PGGT1B: variants seen among roughly 807,000 people sequenced by gnomAD.
PGGT1B encodes geranylgeranyl transferase type-1 subunit beta.
In PGGT1B, 30 loss-of-function variants were observed where a neutral mutation model predicts 46.1. The observed-to-expected ratio is 0.65, with a 90% CI of 0.49 to 0.88. The LOEUF (loss-of-function observed/expected upper bound fraction) is 0.88, where lower values mean the gene tolerates loss of function less well. Among genes scored for constraint, PGGT1B ranks in the 40% least tolerant of loss-of-function variants. The probability of loss-of-function intolerance (pLI) is 0.00; values close to 1 mark genes in which losing one functional copy is unlikely to be tolerated. For missense variants in PGGT1B, 376 were observed against 455.9 expected (o/e 0.82, Z 1.60); for synonymous variants, 170 against 160.0 (o/e 1.06, Z -0.47).
chr5:115,239,989 T>TA (rs1757301484), intron 3 of PGGT1B, among the ~76,000 whole-genome samples: 1 of 152,232 alleles, frequency 6.6e-6, no homozygotes, highest in South Asian at 2.1e-4. Flanking sequence ...TTTATTCATA[T>TA]ACTGTACTGG....
chr5:115,234,135 T>C (rs1757092833), intron 5 of PGGT1B, among the ~76,000 whole-genome samples: 1 of 148,614 alleles, frequency 6.7e-6, no homozygotes. Context: ...CTCTCTGAAC[T>C]GATAAGGAGT....
chr5:115,238,143 G>A (rs1358933163), intron 3 of PGGT1B, 134 bp from the exon 4 acceptor site: 2 of 510,998 alleles, frequency 3.9e-6, no homozygotes, highest in Non-Finnish European at 6.7e-6. Context: ...ACATCTTATT[G>A]AGAAAAACAA....
intron 7 of PGGT1B, among the ~76,000 whole-genome samples, chr5:115,217,354 A>G (rs1756453347): frequency 6.6e-6 from 1 of 151,304 alleles, no homozygotes; most frequent in Non-Finnish European, 1.5e-5. Context: ...AACTAGTAGT[A>G]ACTGGAATTA....
Position 115,230,970 on chromosome 5 carries a change from T to A in PGGT1B, c.658+6A>T. 1.9e-6 allele frequency: 3 copies of A among 1,548,038 alleles called. No individual in the cohort carries two copies. The highest frequency in any genetic ancestry group is 2.7e-6 in the Non-Finnish European group (3 of 1,127,608). The stretch of plus-strand genomic sequence containing the variant: ...ACTACATGTTCACTTATTTAAGATG[T>A]CTTACCATGAGATTCAAGTCCAGCT... On this transcript the variant is annotated splice_donor_region_variant and intron_variant, in intron 6 of 8. Transcript: ENST00000419445.
At chr5:115,262,580 T>G in intron 1 of PGGT1B, 132 bp downstream of exon 1, 1 of 1,032,654 alleles carries the variant, frequency 9.7e-7, no homozygotes, top group Non-Finnish European at 1.4e-6. Flanking sequence ...TCAAGCCCAC[T>G]TGAAACCAGT....
rs968571632 is a variant in PGGT1B, at chr5:115,207,311, C to T, written c.*5091G>A. The stretch of plus-strand genomic sequence containing the variant: ...TTGATAAATATTCATAAGGTGAATG[C>T]ACCTACGTAACCAGCACCTAGATCA... On this transcript the variant is annotated 3_prime_UTR_variant, in exon 9 of 9. Transcript: ENST00000419445. 1 of 150,870 alleles carries T rather than the reference C, an allele frequency of 6.6e-6. No homozygotes were observed. The highest frequency in any genetic ancestry group is 3.4e-3 in the Middle Eastern group (1 of 292). The allele number at this position is 150,870 out of a possible 1,614,324, so 9.3% of individuals were successfully genotyped here.
intron 2 of PGGT1B, among the ~76,000 whole-genome samples, chr5:115,247,805 C>T (rs1747918267): frequency 6.6e-6 from 1 of 152,138 alleles, no homozygotes; most frequent in South Asian, 2.1e-4. Context: ...AATAATATTT[C>T]CCTCAACAAG....
chr5:115,249,658 G>A (rs919718294), intron 2 of PGGT1B, among the ~76,000 whole-genome samples: 4 of 152,078 alleles, frequency 2.6e-5, no homozygotes, highest in Non-Finnish European at 5.9e-5. Context: ...TCAGGGTGGG[G>A]CAGGCGATTG....
chr5:115,243,643 G>A (rs1757417667), intron 2 of PGGT1B, among the ~76,000 whole-genome samples: 2 of 152,150 alleles, frequency 1.3e-5, no homozygotes, highest in African/African-American at 2.4e-5. Flanking sequence ...CTTACTGTTT[G>A]TAAGGTCAGA....
At position 115,212,405 on chromosome 5, in the gene PGGT1B, T is replaced by C. The variant is rs750189962; in HGVS notation, c.1131A>G (p.Thr377=). The C allele has an allele frequency of 4.0e-6, 6 of 1,511,534 alleles. No homozygotes were observed. Among genetic ancestry groups the C allele is most frequent in the East Asian group, 2.4e-5 (1 of 41,842 alleles). The allele number at this position is 1,511,534 out of a possible 1,614,324, so 93.6% of individuals were successfully genotyped here. ...CACCCTCCCAATCTAAAATCAGTCA[T>C]GTGGAGATATGTACATTCTCTGAGC... The part of the protein sequence containing the change: ...KQCSENVHIS[T] Residue 377 remains threonine (T), a synonymous_variant, in exon 9 of 9, where the codon ACA becomes ACG. Coordinates refer to ENST00000419445, the MANE Select transcript of PGGT1B (RefSeq NM_005023.4).
At chr5:115,230,692 G>T (rs1354576085) in intron 6 of PGGT1B, among the ~76,000 whole-genome samples, 2 of 152,058 alleles carry the variant, frequency 1.3e-5, no homozygotes, top group African/African-American at 4.8e-5. Flanking sequence ...TAATGATAGT[G>T]TAAGAAACAA....
At chr5:115,259,350 T>C (rs1748452836) in intron 1 of PGGT1B, among the ~76,000 whole-genome samples, 1 of 152,074 alleles carries the variant, frequency 6.6e-6, no homozygotes, top group Non-Finnish European at 1.5e-5. Flanking sequence ...ACTTAGAGTC[T>C]CCCACCACTA....
intron 6 of PGGT1B, among the ~76,000 whole-genome samples, chr5:115,226,954 T>C (rs530896793): frequency 1.3e-5 from 2 of 151,678 alleles, no homozygotes; most frequent in Admixed American, 6.6e-5. Context: ...CAGAAGCAAG[T>C]GGAAAGGAAG....
rs1756067960 is a variant in PGGT1B at position 115,206,521 on chromosome 5, TC to T, written c.*5880del. ...TATTCTAAATGCCACTGAGTCTATT[TC>T]TGGAATTCCTCTTCTGTTCCATTGG... On this transcript the variant is annotated 3_prime_UTR_variant, in exon 9 of 9. Coordinates refer to ENST00000419445, the MANE Select transcript of PGGT1B (RefSeq NM_005023.4). 1 of 152,084 alleles carries T rather than the reference TC, an allele frequency of 6.6e-6. No individual in the cohort carries two copies. Among genetic ancestry groups the T allele is most frequent in the African/African-American group, 2.4e-5 (1 of 41,460 alleles). The allele number at this position is 152,084 out of a possible 1,614,324, so 9.4% of individuals were successfully genotyped here.
Position 115,204,391 on chromosome 5 carries a change from A to G in PGGT1B, c.*8011T>C, listed in dbSNP as rs1487666661. 6.6e-6 allele frequency: 1 copy of G among 152,170 alleles called. No individual in the cohort carries two copies. Among genetic ancestry groups the G allele is most frequent in the East Asian group, 1.9e-4 (1 of 5,192 alleles). 9.4% of individuals were successfully genotyped at this position (152,170 alleles called of 1,614,324 possible). A position where few individuals can be genotyped will look rare whatever the true frequency, so the allele number is the denominator to read the frequency against. Reference sequence around the variant, plus strand: ...TTCCATCTGTAGACAACATTTGGAAAACTAGTGCTCTAAGTCCTGCTTTAG... The same window carrying G: ...TTCCATCTGTAGACAACATTTGGAAGACTAGTGCTCTAAGTCCTGCTTTAG... On this transcript the variant is annotated 3_prime_UTR_variant, in exon 9 of 9. Transcript: ENST00000419445.
intron 2 of PGGT1B, among the ~76,000 whole-genome samples, chr5:115,246,222 G>A (rs1384820468): frequency 6.6e-6 from 1 of 152,022 alleles, no homozygotes; most frequent in African/African-American, 2.4e-5. Context: ...CGGGTGTGGT[G>A]GAGCACACCT....
chr5:115,204,566 A>T lies in PGGT1B; in HGVS notation c.*7836T>A, dbSNP rs1756010152. On this transcript the variant is annotated 3_prime_UTR_variant, in exon 9 of 9. Coordinates refer to ENST00000419445, the MANE Select transcript of PGGT1B (RefSeq NM_005023.4). ...CGGAATACCATTTTCACCCACCTAG[A>T]ATGAAAAAACTTTAAGCTTGATAAA... The T allele has an allele frequency of 6.6e-6, 1 of 152,170 alleles. No individual in the cohort carries two copies. Among genetic ancestry groups the T allele is most frequent in the Non-Finnish European group, 1.5e-5 (1 of 68,034 alleles). The allele number at this position is 152,170 out of a possible 1,614,324, so 9.4% of individuals were successfully genotyped here.
chr5:115,261,381 T>G (rs1457555269), intron 1 of PGGT1B, among the ~76,000 whole-genome samples: 1 of 152,244 alleles, frequency 6.6e-6, no homozygotes, highest in Non-Finnish European at 1.5e-5. Context: ...GCTTCTCAGA[T>G]ACCAGGTACT....
chr5:115,236,368 C>G (rs765996289), intron 5 of PGGT1B, 22 bp downstream of exon 5: 2 of 1,579,662 alleles, frequency 1.3e-6, no homozygotes, highest in East Asian at 2.3e-5. Context: ...CCTAAATAGT[C>G]AATTTTATCA....
Sources: allele counts gnomAD v4.1 joint callset (sites outside exome capture counted in the v4.1 genomes callset), GRCh38; gene constraint gnomAD v4.1.1; transcripts MANE v1.5; gene names NCBI Gene and HGNC (gene_info 2026-07-23, HGNC 2026-07-21).